Variants in CFAP44 observed in about 807,000 individuals in gnomAD.
CFAP44 encodes the protein cilia- and flagella-associated protein 44.
CFAP44 carries 134 observed loss-of-function variants against 216.2 expected under a neutral mutation model. The ratio of observed to expected loss-of-function variants is 0.62; its 90% confidence interval spans 0.54 to 0.72. The LOEUF is 0.72. Among genes scored for constraint, CFAP44 ranks in the 30% least tolerant of loss-of-function variants. CFAP44 has a pLI of 0.00. For missense variants in CFAP44, 2,035 were observed against 2,182.1 expected, an observed-to-expected ratio of 0.93 and a Z score of 1.34; for synonymous variants, 700 against 727.6, an observed-to-expected ratio of 0.96 and a Z score of 0.61.
At chr3:113,438,453 C>A (rs972010797) in intron 1 of CFAP44, among the ~76,000 whole-genome samples, 1 of 152,130 alleles carries the variant, frequency 6.6e-6, no homozygotes, top group Non-Finnish European at 1.5e-5. Flanking sequence ...TGCCTCAGTA[C>A]TTCCATCTTT....
intron 32 of CFAP44, 97 bp downstream of exon 32, chr3:113,303,819 C>T: frequency 7.7e-7 from 1 of 1,298,494 alleles, no homozygotes; most frequent in Non-Finnish European, 1.0e-6. Flanking sequence ...GGTTCTGAGT[C>T]TGCAATTACT....
At chr3:113,316,125 G>C (rs1950084492) in intron 28 of CFAP44, among the ~76,000 whole-genome samples, 1 of 152,086 alleles carries the variant, frequency 6.6e-6, no homozygotes, top group Non-Finnish European at 1.5e-5. Context: ...AATCAAACTA[G>C]AAATCAATAA....
chr3:113,346,979 G>C (rs990688779), intron 22 of CFAP44, among the ~76,000 whole-genome samples: 5 of 152,178 alleles, frequency 3.3e-5, no homozygotes, highest in African/African-American at 4.8e-5. Flanking sequence ...AAGTCAGCGA[G>C]ACCAAGAACC....
At chr3:113,406,141 GGAAA>G (rs145669094) in intron 8 of CFAP44, among the ~76,000 whole-genome samples, 3,679 of 152,118 alleles carry the variant, frequency 0.024, 70 homozygotes, top group Non-Finnish European at 0.041. Context: ...GAGAAAGAAA[GGAAA>G]GAAACTAACA....
chr3:113,368,709 C>G (rs561817219), intron 18 of CFAP44, among the ~76,000 whole-genome samples: 27 of 151,392 alleles, frequency 1.8e-4, no homozygotes, highest in Non-Finnish European at 2.4e-4. Context: ...CAGCTAACAT[C>G]CTAATGACAG....
At chr3:113,407,730 G>C (rs1225487015) in intron 7 of CFAP44, among the ~76,000 whole-genome samples, 1 of 152,108 alleles carries the variant, frequency 6.6e-6, no homozygotes, top group Non-Finnish European at 1.5e-5. Flanking sequence ...TGGACAGGAT[G>C]ATGAAGACCA....
chr3:113,300,772 G>C (rs953222802), intron 32 of CFAP44, among the ~76,000 whole-genome samples: 3 of 151,976 alleles, frequency 2.0e-5, no homozygotes, highest in African/African-American at 7.2e-5. Flanking sequence ...TTAGTGGTTA[G>C]GAAAATGAAA....
chr3:113,340,879 G>C (rs1462364266), intron 24 of CFAP44, among the ~76,000 whole-genome samples: 1 of 152,218 alleles, frequency 6.6e-6, no homozygotes, highest in Non-Finnish European at 1.5e-5. Context: ...AATTTTTATA[G>C]AGTGGAAGTA....
chr3:113,372,913 T>C (rs200795132), intron 18 of CFAP44, among the ~76,000 whole-genome samples: 1 of 152,100 alleles, frequency 6.6e-6, no homozygotes, highest in African/African-American at 2.4e-5. Context: ...AGAAAAAAAA[T>C]TCTGCTGTAT....
Position 113,403,930 on chromosome 3 carries a change from T to C in CFAP44, c.1092A>G (p.Ser364=), listed in dbSNP as rs1408001858. 8 of 1,614,216 alleles carry C rather than the reference T, an allele frequency of 5.0e-6. No individual in the cohort carries two copies. The Middle Eastern group carries it at 1.2e-3, about 233-fold the overall frequency. Residue 364 remains serine (S), a synonymous_variant, in exon 9 of 35, where the codon TCA becomes TCG. Coordinates refer to ENST00000393845, the MANE Select transcript of CFAP44 (RefSeq NM_001164496.2). ...TCTGGTTAATGGGACCATTGTGACA[T>C]GACTTGCTTGTCCCTCGACAGAGCT... ...KVELCRGTSK[S]CHNGPINQIM...
intron 19 of CFAP44, among the ~76,000 whole-genome samples, chr3:113,363,968 T>A (rs1433857604): frequency 6.6e-6 from 1 of 152,110 alleles, no homozygotes; most frequent in Non-Finnish European, 1.5e-5. Context: ...ATATATATAT[T>A]TTTACATTTT....
At chr3:113,309,641 G>A (rs1950020042) in intron 28 of CFAP44, among the ~76,000 whole-genome samples, 1 of 152,020 alleles carries the variant, frequency 6.6e-6, no homozygotes, top group Non-Finnish European at 1.5e-5. Context: ...AACACCCTGA[G>A]GTCATCTATG....
At position 113,330,444 on chromosome 3, in the gene CFAP44, C is replaced by G. The variant is rs1950230476; in HGVS notation, c.3840G>C (p.Lys1280Asn). Residue 1280 changes from lysine to asparagine, a missense_variant, in exon 26 of 35, where the codon AAG becomes AAC. Lys to Asn is a moderately conservative substitution (Grantham distance 94, BLOSUM62 0). This residue lies in a region of CFAP44 where 1,883 missense variants were observed against 2,023.7 expected (regional missense o/e 0.93). Transcript: ENST00000393845. ...CATCTTTACTTTTCATTTGCTGTTG[C>G]TTAAAATTTAGGAGAGTTTCTTCAT... is the stretch of plus-strand genomic sequence containing the variant. ...QYDEETLLNF[K>N]QQQMKSKDEK... 1 of 1,537,268 alleles carries G rather than the reference C, an allele frequency of 6.5e-7. No homozygotes were observed. Among genetic ancestry groups the G allele is most frequent in the Non-Finnish European group, 8.7e-7 (1 of 1,146,916 alleles).
At chr3:113,315,664 A>C (rs1950079545) in intron 28 of CFAP44, among the ~76,000 whole-genome samples, 1 of 152,128 alleles carries the variant, frequency 6.6e-6, no homozygotes, top group Non-Finnish European at 1.5e-5. Context: ...TTGACTTATG[A>C]TTTTTCAGCT....
In CFAP44 at chr3:113,403,993, G is replaced by T. The variant is rs779615233; in HGVS notation, c.1029C>A (p.Gly343=). Residue 343 remains glycine, a synonymous_variant, in exon 9 of 35, where the codon GGC becomes GGA. Transcript: ENST00000393845. The stretch of plus-strand genomic sequence containing the variant: ...GACCACCTTCCCAAAGCAGCATGTT[G>T]CCCCATTCTGACCCTGAGAGCACCT... ...DGKVLSGSEW[G]NMLLWEGGLI... 13 of 1,613,880 alleles carry T rather than the reference G, an allele frequency of 8.1e-6. No individual in the cohort carries two copies. The highest frequency in any genetic ancestry group is 1.1e-5 in the Non-Finnish European group (13 of 1,179,916).
chr3:113,352,351 C>T (rs1174940232), intron 22 of CFAP44, among the ~76,000 whole-genome samples: 8 of 152,116 alleles, frequency 5.3e-5, no homozygotes, highest in Non-Finnish European at 7.4e-5. Flanking sequence ...TTTGTTCTTT[C>T]GCTCTTCACA....
intron 28 of CFAP44, among the ~76,000 whole-genome samples, chr3:113,312,175 C>G (rs1371661952): frequency 1.3e-5 from 2 of 149,424 alleles, no homozygotes; most frequent in Non-Finnish European, 3.0e-5. Flanking sequence ...GGGTTCACAT[C>G]ATTCTCCTGC....
At chr3:113,312,677 T>G (rs777694615) in intron 28 of CFAP44, among the ~76,000 whole-genome samples, 4 of 152,128 alleles carry the variant, frequency 2.6e-5, no homozygotes, top group Non-Finnish European at 5.9e-5. Flanking sequence ...AGGGTCCCCG[T>G]GCTGTGTGCA....
intron 6 of CFAP44, among the ~76,000 whole-genome samples, chr3:113,411,802 T>A (rs1421614682): frequency 1.3e-5 from 2 of 152,228 alleles, no homozygotes; most frequent in Admixed American, 6.5e-5. Flanking sequence ...TTTGTTTGTG[T>A]CCTCTTTTAA....
Sources: gnomAD v4.1 joint callset for allele counts (sites outside exome capture counted in the v4.1 genomes callset) on GRCh38, gnomAD v4.1.1 for gene constraint, gnomAD v4.1.1 regional missense constraint, MANE v1.5 for transcripts, NCBI Gene and HGNC (gene_info 2026-07-23, HGNC 2026-07-21) for gene names.